Variants in FBXO31 observed in about 807,000 individuals in gnomAD.
The protein encoded by FBXO31 is F-box only protein 31.
A neutral mutation model predicts 54.4 loss-of-function variants in FBXO31; 24 were observed. The observed-to-expected ratio is 0.44, with a 90% confidence interval of 0.32 to 0.62. The LOEUF (loss-of-function observed/expected upper bound fraction) is 0.62. FBXO31 is among the 20% of genes least tolerant of loss of function. FBXO31 has a pLI of 0.05. For missense variants in FBXO31, 665 were observed against 787.1 expected, an observed-to-expected ratio of 0.84 and a Z score of 1.86; for synonymous variants, 388 against 335.6, an observed-to-expected ratio of 1.16 and a Z score of -1.71.
chr16:87,334,053 C>T lies in FBXO31; in HGVS notation c.1230G>A (p.Glu410=), dbSNP rs1356605664. The T allele has an allele frequency of 6.2e-7, 1 of 1,612,172 alleles. No individual in the cohort carries two copies. The highest frequency in any genetic ancestry group is 8.5e-7 in the Non-Finnish European group (1 of 1,179,560). The part of the protein sequence containing the change: ...SQPSPAQPRA[E]APSKGPDGTP... Reference sequence around the variant, plus strand: ...TCCCATCTGGGCCCTTGCTGGGCGCCTCTGCCCTGGGCTGGGCAGGGCTTG... The same window carrying T: ...TCCCATCTGGGCCCTTGCTGGGCGCTTCTGCCCTGGGCTGGGCAGGGCTTG... The change falls in exon 8 of 9, where the codon GAG becomes GAA. Residue 410 remains glutamate, a synonymous_variant. Coordinates refer to ENST00000311635, the MANE Select transcript of FBXO31 (RefSeq NM_024735.5).
intron 2 of FBXO31, among the ~76,000 whole-genome samples, chr16:87,349,839 G>T (rs1018459046): frequency 6.6e-6 from 1 of 151,970 alleles, no homozygotes; most frequent in Non-Finnish European, 1.5e-5. Flanking sequence ...AGCCCGGGAG[G>T]CGGAGGCTGT....
In FBXO31 at chr16:87,346,465, C is replaced by G. The variant is rs1905391570; in HGVS notation, c.489+709G>C. Among the ~76,000 whole-genome samples the G allele has an allele frequency of 6.6e-6, 1 of 152,216 alleles. No individual in the cohort carries two copies. Among genetic ancestry groups the G allele is most frequent in the Non-Finnish European group, 1.5e-5 (1 of 68,032 alleles). On this transcript the variant is annotated intron_variant, in intron 3 of 8. Coordinates refer to ENST00000311635, the MANE Select transcript of FBXO31 (RefSeq NM_024735.5). The surrounding 1 kb of genome is among the most constrained non-coding windows in gnomAD (Gnocchi z 4.2). ...ACGGGAATTTAATAAAAAAGAAAGC[C>G]AGACTTCCATCTCCAGCCATGATCA...
In FBXO31 at chr16:87,338,919, A is replaced by G. The variant is rs2150671250; in HGVS notation, c.733-2655T>C. ...GAATCATGGGGGTGGGGTCTTTTCCATGCTGCTCTCATGATAGTGAATAAG... is the reference window on the plus strand; with the variant it reads ...GAATCATGGGGGTGGGGTCTTTTCCGTGCTGCTCTCATGATAGTGAATAAG... On this transcript the variant is annotated intron_variant, in intron 5 of 8. Transcript: ENST00000311635. This position sits in a 1 kb window ranked among gnomAD's most constrained non-coding sequence, Gnocchi z 4.3. Among the ~76,000 whole-genome samples, 1 of 152,278 alleles carries G rather than the reference A, an allele frequency of 6.6e-6. No homozygotes were observed. The highest frequency in any genetic ancestry group is 2.1e-4 in the South Asian group (1 of 4,828).
intron 1 of FBXO31, among the ~76,000 whole-genome samples, chr16:87,389,383 C>CAT (rs1231347154): frequency 6.6e-6 from 1 of 152,202 alleles, no homozygotes; most frequent in Admixed American, 6.5e-5. Context: ...TGGCCCATTA[C>CAT]TACACAACTG....
chr16:87,351,161 C>CTTT, intron 2 of FBXO31, among the ~76,000 whole-genome samples: 1 of 152,280 alleles, frequency 6.6e-6, no homozygotes, highest in Middle Eastern at 3.4e-3. Context: ...AGAACACGCA[C>CTTT]TTTAAAAAGA....
chr16:87,375,616 C>T (rs992591007), intron 1 of FBXO31, among the ~76,000 whole-genome samples: 1 of 152,188 alleles, frequency 6.6e-6, no homozygotes, highest in African/African-American at 2.4e-5. Context: ...AGAGAGGCAG[C>T]CAGCTCCTGC....
chr16:87,349,635 G>GGGAGGC lies in FBXO31; in HGVS notation c.413-2391_413-2386dup, dbSNP rs1905553643. On this transcript the variant is annotated intron_variant, in intron 2 of 8. Coordinates refer to ENST00000311635, the MANE Select transcript of FBXO31 (RefSeq NM_024735.5). The stretch of plus-strand genomic sequence containing the variant: ...CTGAGGCAGGAGAATCACTTGAACA[G>GGGAGGC]GGAGGCGGAGGCTGCAGTGAGCCGA... 3.3e-5 allele frequency among the ~76,000 whole-genome samples: 5 copies of GGGAGGC among 152,164 alleles called. No individual in the cohort carries two copies. The South Asian group carries it at 1.0e-3, about 32-fold the overall frequency.
At chr16:87,353,455 C>A (rs1039106235) in intron 2 of FBXO31, among the ~76,000 whole-genome samples, 2 of 152,224 alleles carry the variant, frequency 1.3e-5, no homozygotes, top group Non-Finnish European at 2.9e-5. Context: ...GCCGTGAGCA[C>A]GTTAGGGTAA....
At chr16:87,369,308 C>T (rs1410864836) in intron 1 of FBXO31, among the ~76,000 whole-genome samples, 1 of 152,068 alleles carries the variant, frequency 6.6e-6, no homozygotes, top group Non-Finnish European at 1.5e-5. Context: ...TTTCATCTTC[C>T]CAGACAAACT....
intron 2 of FBXO31, among the ~76,000 whole-genome samples, chr16:87,355,493 T>C (rs1905852688): frequency 6.6e-6 from 1 of 152,238 alleles, no homozygotes; most frequent in African/African-American, 2.4e-5. Flanking sequence ...TTTTTCTTCC[T>C]GATATTCTAG....
Position 87,345,836 on chromosome 16 carries a change from C to T in FBXO31, c.489+1338G>A, listed in dbSNP as rs1010771837. Among the ~76,000 whole-genome samples the T allele has an allele frequency of 6.6e-6, 1 of 152,232 alleles. No homozygotes were observed. The highest frequency in any genetic ancestry group is 1.5e-5 in the Non-Finnish European group (1 of 68,034). ...ACTGGCTGGGGAGGAAGGCCCATGT[C>T]TGGCACCTGCAGGCTGGAGAGGCAC... On this transcript the variant is annotated intron_variant, in intron 3 of 8. Coordinates refer to ENST00000311635, the MANE Select transcript of FBXO31 (RefSeq NM_024735.5). This position sits in a 1 kb window ranked among gnomAD's most constrained non-coding sequence, Gnocchi z 4.9.
At position 87,334,163 on chromosome 16, in the gene FBXO31, G is replaced by A. The variant is rs369461567; in HGVS notation, c.1120C>T (p.Arg374Cys). ...TGCTGCTCCTGGCGCACCCTCTCGC[G>A]CACCTCCAGGACGATGCGGGAGAGC... ...NELSRIVLEV[R>C]ERVRQEQQEG... The change falls in exon 8 of 9, where the codon CGC becomes TGC. Residue 374 changes from arginine to cysteine, a missense_variant. By Grantham distance (180) the Arg-to-Cys change is radical (BLOSUM62 -3). Coordinates refer to ENST00000311635, the MANE Select transcript of FBXO31 (RefSeq NM_024735.5). The A allele has an allele frequency of 8.1e-6, 13 of 1,612,566 alleles. No individual in the cohort carries two copies. Among genetic ancestry groups the A allele is most frequent in the Middle Eastern group, 1.6e-4 (1 of 6,076 alleles).
intron 1 of FBXO31, among the ~76,000 whole-genome samples, chr16:87,376,235 T>G (rs1906818101): frequency 6.6e-6 from 1 of 152,114 alleles, no homozygotes; most frequent in African/African-American, 2.4e-5. Context: ...TTTTTGTTGC[T>G]TGCTCTCTGT....
rs535314348 is a variant in FBXO31, at chr16:87,363,930, G to A, written c.341-3564C>T. ...CTCTCAACATCCTACGATTCTAGTT[G>A]GAGATAAAAGAATATTCACCAGCAA... On this transcript the variant is annotated intron_variant, in intron 1 of 8. Coordinates refer to ENST00000311635, the MANE Select transcript of FBXO31 (RefSeq NM_024735.5). Among the ~76,000 whole-genome samples, 26 of 152,320 alleles carry A rather than the reference G, an allele frequency of 1.7e-4. 1 individual carries two copies. The South Asian group carries it at 5.4e-3, about 32-fold the overall frequency.
chr16:87,371,528 C>T (rs1275221298), intron 1 of FBXO31, among the ~76,000 whole-genome samples: 2 of 152,282 alleles, frequency 1.3e-5, no homozygotes, highest in Non-Finnish European at 2.9e-5. Context: ...CCAGGCAGGC[C>T]TGACGAGTCG....
At position 87,329,893 on chromosome 16, in the gene FBXO31, AG is replaced by A. The variant is rs1216344495; in HGVS notation, c.*1394del. 3 of 152,272 alleles carry A rather than the reference AG, an allele frequency of 2.0e-5. No homozygotes were observed. The highest frequency in any genetic ancestry group is 4.4e-5 in the Non-Finnish European group (3 of 68,052). The allele number at this position is 152,272 out of a possible 1,614,324, so 9.4% of individuals were successfully genotyped here. A position where few individuals can be genotyped will look rare whatever the true frequency, so the allele number is the denominator to read the frequency against. ...TATGTTCTTTAAAGGCCAGTCAAGG[AG>A]AAATTCATCAGGAAAACATTTCCCA... On this transcript the variant is annotated 3_prime_UTR_variant, in exon 9 of 9. Transcript: ENST00000311635.
chr16:87,334,532 G>T (rs1023074570), intron 7 of FBXO31, among the ~76,000 whole-genome samples: 2 of 152,242 alleles, frequency 1.3e-5, no homozygotes, highest in Non-Finnish European at 2.9e-5. Context: ...GAAGTTCAAA[G>T]AACATCCCAG....
intron 5 of FBXO31, among the ~76,000 whole-genome samples, chr16:87,337,535 G>C (rs1223906278): frequency 6.6e-6 from 1 of 152,218 alleles, no homozygotes; most frequent in Admixed American, 6.5e-5. Context: ...GACTTGCCCA[G>C]TATAAGCTCC....
Position 87,343,685 on chromosome 16 carries a change from A to G in FBXO31, c.570T>C (p.Pro190=). The change falls in exon 4 of 9, where the codon CCT becomes CCC. Residue 190 remains proline, a synonymous_variant. Coordinates refer to ENST00000311635, the MANE Select transcript of FBXO31 (RefSeq NM_024735.5). ...TCTCCATCAGGTGGATCCTGAACAG[A>G]GGCTTGAATCTCATAGGGTCATCGA... ...PHVDDPMRFK[P]LFRIHLMERK... is the part of the protein sequence containing the mutation. 2.5e-6 allele frequency: 4 copies of G among 1,614,236 alleles called. No homozygotes were observed. The highest frequency in any genetic ancestry group is 3.4e-6 in the Non-Finnish European group (4 of 1,180,036).
Sources: allele counts gnomAD v4.1 joint callset (sites outside exome capture counted in the v4.1 genomes callset), GRCh38; gene constraint gnomAD v4.1.1; non-coding constraint Gnocchi (gnomAD v3.1); transcripts MANE v1.5; gene names NCBI Gene and HGNC (gene_info 2026-07-23, HGNC 2026-07-21).